RBL2: variants seen among roughly 807,000 people sequenced by gnomAD.
The protein encoded by RBL2 is RB transcriptional corepressor like 2.
A neutral mutation model predicts 126.0 loss-of-function variants in RBL2; 56 were observed. The ratio of observed to expected loss-of-function variants is 0.44; its 90% CI spans 0.36 to 0.56. RBL2 has a LOEUF of 0.56. RBL2 is among the 20% of genes least tolerant of loss of function. RBL2 has a pLI of 0.00. For missense variants in RBL2, 1,229 were observed against 1,398.2 expected (o/e 0.88, Z 1.93); for synonymous variants, 454 against 478.5 (o/e 0.95, Z 0.67).
rs756763534 is a variant in RBL2 at position 53,457,258 on chromosome 16, CTTT to C, written c.1180-2176_1180-2174del. On this transcript the variant is annotated intron_variant, in intron 8 of 21. Coordinates refer to ENST00000262133, the MANE Select transcript of RBL2 (RefSeq NM_005611.4). ...GGGTCATCAGGGTGGGTACAGATAG[CTTT>C]TTTTTTTTTTTTTTTTGAGATGGAG... Among the ~76,000 whole-genome samples, 9 of 89,932 alleles carry C rather than the reference CTTT, an allele frequency of 1.0e-4. 1 individual carries two copies. Among genetic ancestry groups the C allele is most frequent in the South Asian group, 8.1e-4 (2 of 2,478 alleles). 59.0% of individuals were successfully genotyped at this position (89,932 alleles called of 152,430 possible).
chr16:53,471,070 A>C, intron 17 of RBL2, 148 bp downstream of exon 17: 1 of 759,306 alleles, frequency 1.3e-6, no homozygotes, highest in Non-Finnish European at 2.1e-6. Context: ...ATTCACAGAT[A>C]TGTGCAATAC....
At chr16:53,490,068 G>A in intron 21 of RBL2, 62 bp from the exon 22 acceptor site, 1 of 1,287,544 alleles carries the variant, frequency 7.8e-7, no homozygotes, top group Non-Finnish European at 1.0e-6. Flanking sequence ...GAGATTCTTT[G>A]ACTTAATACT....
intron 17 of RBL2, among the ~76,000 whole-genome samples, chr16:53,473,979 G>A (rs755586351): frequency 1.6e-4 from 24 of 151,794 alleles, no homozygotes; most frequent in Non-Finnish European, 2.6e-4. Flanking sequence ...TTGCATTTCT[G>A]GTGTAAATCC....
chr16:53,434,549 G>C lies in RBL2; in HGVS notation c.-8G>C. On this transcript the variant is annotated 5_prime_UTR_variant, in exon 1 of 22. Transcript: ENST00000262133. ...CTCACCTGAGGTCCGGCCGCCCAGG[G>C]GTGCGCTATGCCGTCGGGAGGTGAC... 6.8e-7 allele frequency: 1 copy of C among 1,478,124 alleles called. No individual in the cohort carries two copies. The highest frequency in any genetic ancestry group is 8.9e-7 in the Non-Finnish European group (1 of 1,121,444). 91.6% of individuals were successfully genotyped at this position (1,478,124 alleles called of 1,614,324 possible).
At chr16:53,475,557 A>G (rs1316478314) in intron 17 of RBL2, among the ~76,000 whole-genome samples, 2 of 152,204 alleles carry the variant, frequency 1.3e-5, no homozygotes, top group Admixed American at 6.5e-5. Context: ...TTCTTGGTCT[A>G]GCTAAAGGTT....
chr16:53,440,054 T>C (rs1198848753), intron 2 of RBL2, among the ~76,000 whole-genome samples: 2 of 151,772 alleles, frequency 1.3e-5, no homozygotes, highest in African/African-American at 4.8e-5. Context: ...CCAGCACTTT[T>C]GGAGGCCAAG....
chr16:53,434,663 CG>C lies in RBL2; in HGVS notation c.108del (p.Pro37LeufsTer37). The C allele has an allele frequency of 6.4e-7, 1 of 1,563,574 alleles. No homozygotes were observed. Reference sequence around the variant, plus strand: ...GACGGCGAGGCGGAAGACGCCGCGCCGCCTGCCGAGTCGCCCACCCCTCAGA... The same window carrying C: ...GACGGCGAGGCGGAAGACGCCGCGCCCCTGCCGAGTCGCCCACCCCTCAGA... The part of the protein sequence containing the change: ...EDDGEAEDAA[P>X]PAESPTPQIQ... On this transcript the variant is annotated frameshift_variant, in exon 1 of 22. Transcript: ENST00000262133. LOFTEE classifies it high-confidence loss of function.
chr16:53,490,198 G>A lies in RBL2; in HGVS notation c.3318G>A (p.Leu1106=), dbSNP rs773607565. The change falls in exon 22 of 22, where the codon TTG becomes TTA. Residue 1106 remains leucine (L), a synonymous_variant. Coordinates refer to ENST00000262133, the MANE Select transcript of RBL2 (RefSeq NM_005611.4). ...ETPTKKRGIL[L]EDGSESPAKR... is the part of the protein sequence containing the mutation. Reference sequence around the variant, plus strand: ...CTACTAAAAAGAGAGGAATTCTTTTGGAAGATGGAAGTGAATCACCTGCAA... The same window carrying A: ...CTACTAAAAAGAGAGGAATTCTTTTAGAAGATGGAAGTGAATCACCTGCAA... 3.1e-6 allele frequency: 5 copies of A among 1,611,576 alleles called. No homozygotes were observed. Among genetic ancestry groups the A allele is most frequent in the Non-Finnish European group, 4.2e-6 (5 of 1,178,262 alleles).
Position 53,479,223 on chromosome 16 carries a change from C to A in RBL2, c.2773C>A (p.Gln925Lys). 6.2e-7 allele frequency: 1 copy of A among 1,610,850 alleles called. No homozygotes were observed. Among genetic ancestry groups the A allele is most frequent in the Non-Finnish European group, 8.5e-7 (1 of 1,177,108 alleles). ...TAGGACTCAGCCGCAGGCCCGGAGCCAGGTAACTACATTTTCTCTATGGGC... is the reference window on the plus strand; with the variant it reads ...TAGGACTCAGCCGCAGGCCCGGAGCAAGGTAACTACATTTTCTCTATGGGC... Reference protein sequence around the residue: ...CYRTQPQARSQVYRSVLIKGK... With the variant: ...CYRTQPQARSKVYRSVLIKGK... The change falls in exon 18 of 22, where the codon CAG (glutamine) becomes AAG (lysine). Residue 925 changes from glutamine to lysine, a missense_variant and splice_region_variant. This residue lies in a region of RBL2 where 1,070 missense variants were observed against 1,274.3 expected (regional missense o/e 0.84). Transcript: ENST00000262133.
chr16:53,447,224 G>T, intron 4 of RBL2, 118 bp downstream of exon 4: 2 of 510,900 alleles, frequency 3.9e-6, no homozygotes, highest in South Asian at 4.0e-5. Context: ...TTTCTCAAGG[G>T]TTTTAATCCT....
intron 11 of RBL2, 43 bp from the exon 12 acceptor site, chr16:53,464,183 A>C (rs2058249969): frequency 7.0e-7 from 1 of 1,428,660 alleles, no homozygotes; most frequent in African/African-American, 1.5e-5. Flanking sequence ...ATGACTTTTT[A>C]GACTAAGTAA....
intron 17 of RBL2, among the ~76,000 whole-genome samples, chr16:53,476,693 T>C (rs1040996990): frequency 1.1e-4 from 17 of 152,216 alleles, no homozygotes; most frequent in Non-Finnish European, 5.9e-5. Context: ...ATAACTGTTA[T>C]AGATTCCTGA....
intron 7 of RBL2, 42 bp from the exon 8 acceptor site, chr16:53,454,614 C>G (rs1353867672): frequency 2.7e-6 from 4 of 1,467,104 alleles, no homozygotes; most frequent in Non-Finnish European, 3.7e-6. Flanking sequence ...AATGGCAGTT[C>G]TGTGAGAGAG....
At position 53,490,458 on chromosome 16, in the gene RBL2, C is replaced by A; in HGVS notation, c.*158C>A. On this transcript the variant is annotated 3_prime_UTR_variant, in exon 22 of 22. Coordinates refer to ENST00000262133, the MANE Select transcript of RBL2 (RefSeq NM_005611.4). ...GTGAGAAATGGGACTTAACTCCTTC[C>A]AGTGTCCTTAGAACATTTTAATTCA... 1.9e-6 allele frequency: 1 copy of A among 513,212 alleles called. No individual in the cohort carries two copies. The highest frequency in any genetic ancestry group is 3.3e-6 in the Non-Finnish European group (1 of 307,178). 31.8% of individuals were successfully genotyped at this position (513,212 alleles called of 1,614,324 possible).
In RBL2 at chr16:53,458,496, A is replaced by G. The variant is rs189170464; in HGVS notation, c.1180-955A>G. On this transcript the variant is annotated intron_variant, in intron 8 of 21. Coordinates refer to ENST00000262133, the MANE Select transcript of RBL2 (RefSeq NM_005611.4). Reference sequence around the variant, plus strand: ...AGATTCTGGTAACCAAAGGTAGAGGAGGGGCAGGAAGACCAATGAAGGCTG... The same window carrying G: ...AGATTCTGGTAACCAAAGGTAGAGGGGGGGCAGGAAGACCAATGAAGGCTG... Among the ~76,000 whole-genome samples the G allele has an allele frequency of 3.3e-5, 5 of 152,314 alleles. No individual in the cohort carries two copies. The East Asian group carries it at 9.6e-4, about 29-fold the overall frequency.
chr16:53,480,542 A>T, intron 19 of RBL2, 25 bp from the exon 20 acceptor site: 1 of 1,596,622 alleles, frequency 6.3e-7, no homozygotes, highest in Non-Finnish European at 8.5e-7. Context: ...CTTTGTACTG[A>T]CAGCCTTTGT....
At chr16:53,481,203 GGA>G (rs1960931040) in intron 20 of RBL2, 2 of 174,204 alleles carry the variant, frequency 1.1e-5, no homozygotes, top group South Asian at 1.3e-4. Context: ...GTAAAACTGA[GGA>G]GGTCTGTAAT....
At chr16:53,459,950 T>C (rs1157051262) in intron 9 of RBL2, among the ~76,000 whole-genome samples, 1 of 152,032 alleles carries the variant, frequency 6.6e-6, no homozygotes, top group East Asian at 1.9e-4. Flanking sequence ...ATGATGGGAA[T>C]TGTCAAAGGA....
At chr16:53,435,454 GGCA>G (rs2057949153) in intron 1 of RBL2, 2 of 417,700 alleles carry the variant, frequency 4.8e-6, no homozygotes, top group South Asian at 2.0e-4. Context: ...GGTCACCCCG[GGCA>G]TTGCACAGGA....
Sources: allele counts gnomAD v4.1 joint callset (sites outside exome capture counted in the v4.1 genomes callset), GRCh38; gene constraint gnomAD v4.1.1; regional missense constraint gnomAD v4.1.1; transcripts MANE v1.5; gene names NCBI Gene and HGNC (gene_info 2026-07-23, HGNC 2026-07-21).